The following PRKG1 variants were observed in gnomAD, a reference collection of about 807,000 sequenced individuals.
The protein encoded by PRKG1 is cGMP-dependent protein kinase 1.
In PRKG1, 35 loss-of-function variants were observed where a neutral mutation model predicts 88.1. The observed-to-expected ratio is 0.40, with a 90% CI of 0.30 to 0.53. PRKG1 has a LOEUF of 0.53. PRKG1 is among the 20% of genes least tolerant of loss of function. The pLI, the probability that PRKG1 is intolerant of heterozygous loss-of-function variation, is 0.59. For missense variants in PRKG1, 540 were observed against 839.8 expected (o/e 0.64, Z 4.41); for synonymous variants, 303 against 292.5 (o/e 1.04, Z -0.37).
chr10:51,145,951 A>C (rs946156450), intron 1 of PRKG1, among the ~76,000 whole-genome samples: 1 of 152,022 alleles, frequency 6.6e-6, no homozygotes, highest in Non-Finnish European at 1.5e-5. Context: ...GGTGGATCAC[A>C]AGGTCAGGAG....
At chr10:52,258,441 T>C (rs1257352120) in intron 10 of PRKG1, among the ~76,000 whole-genome samples, 2 of 149,814 alleles carry the variant, frequency 1.3e-5, no homozygotes, top group East Asian at 3.9e-4. Context: ...ACTTTCATGT[T>C]CATTGTATAA....
In PRKG1 at chr10:51,259,482, T is replaced by A. The variant is rs1334315065; in HGVS notation, c.478+106152T>A. Among the ~76,000 whole-genome samples, 4 of 152,302 alleles carry A rather than the reference T, an allele frequency of 2.6e-5. No homozygotes were observed. The South Asian group carries it at 8.3e-4, about 32-fold the overall frequency. On this transcript the variant is annotated intron_variant, in intron 2 of 17. Coordinates refer to ENST00000373980, the MANE Select transcript of PRKG1 (RefSeq NM_006258.4). ...ATCAACCCTTTTGTCTTTTTGTTTT[T>A]GTTTTTTTGAGATGGAGTTTCACTC... is the stretch of plus-strand genomic sequence containing the variant.
intron 5 of PRKG1, among the ~76,000 whole-genome samples, chr10:51,948,832 A>G (rs1843118137): frequency 1.3e-5 from 2 of 152,216 alleles, no homozygotes; most frequent in African/African-American, 4.8e-5. Flanking sequence ...TCAATAAACT[A>G]AACTGTAGGG....
intron 5 of PRKG1, among the ~76,000 whole-genome samples, chr10:51,929,822 TCTAA>T (rs1346727210): frequency 2.1e-4 from 32 of 152,318 alleles, no homozygotes; most frequent in Admixed American, 2.0e-4. Flanking sequence ...TTACCGTTTC[TCTAA>T]CTGACCTAGG....
rs532233013 is a variant in PRKG1 at position 52,066,460 on chromosome 10, A to G, written c.935+3829A>G. ...TATTTTTTAACAAATGAATGAGTGAATGAATGAATAGATGAACAAATGAAC... is the reference window on the plus strand; with the variant it reads ...TATTTTTTAACAAATGAATGAGTGAGTGAATGAATAGATGAACAAATGAAC... On this transcript the variant is annotated intron_variant, in intron 7 of 17. Transcript: ENST00000373980. 2.6e-5 allele frequency among the ~76,000 whole-genome samples: 4 copies of G among 152,318 alleles called. No individual in the cohort carries two copies. The South Asian group carries it at 8.3e-4, about 32-fold the overall frequency.
intron 5 of PRKG1, among the ~76,000 whole-genome samples, chr10:51,967,124 A>G (rs372752211): frequency 6.6e-6 from 1 of 152,200 alleles, no homozygotes; most frequent in Non-Finnish European, 1.5e-5. Context: ...TGTTTATTGC[A>G]GCACTATTCA....
At chr10:51,410,713 G>A (rs1296719868) in intron 2 of PRKG1, among the ~76,000 whole-genome samples, 2 of 151,872 alleles carry the variant, frequency 1.3e-5, no homozygotes, top group Non-Finnish European at 2.9e-5. Context: ...AATTTGCATT[G>A]TACAAACAAG....
At chr10:52,028,498 C>T (rs1163988163) in intron 5 of PRKG1, among the ~76,000 whole-genome samples, 1 of 152,120 alleles carries the variant, frequency 6.6e-6, no homozygotes, top group African/African-American at 2.4e-5. Flanking sequence ...TTATCATCTC[C>T]ACTTCAGTGT....
At chr10:51,569,198 A>G (rs549011769) in intron 3 of PRKG1, among the ~76,000 whole-genome samples, 289 of 152,204 alleles carry the variant, frequency 1.9e-3, no homozygotes, top group Non-Finnish European at 2.8e-3. Context: ...GGTTAAGACT[A>G]GAAGACAGTA....
At chr10:51,345,124 A>T (rs561167455) in intron 2 of PRKG1, among the ~76,000 whole-genome samples, 11 of 152,336 alleles carry the variant, frequency 7.2e-5, no homozygotes, top group African/African-American at 2.2e-4. Context: ...TTTATGTCAG[A>T]AAACTTTAAA....
chr10:51,354,151 T>A (rs1039604152), intron 2 of PRKG1, among the ~76,000 whole-genome samples: 1 of 151,236 alleles, frequency 6.6e-6, no homozygotes, highest in African/African-American at 2.4e-5. Context: ...GTTACAACGC[T>A]GGGAAGGGTC....
chr10:51,658,260 C>T (rs80068640), intron 3 of PRKG1, among the ~76,000 whole-genome samples: 1,769 of 152,170 alleles, frequency 0.012, 11 homozygotes, highest in Non-Finnish European at 0.019. Context: ...TGCACCCACT[C>T]GCCATATCTA....
chr10:51,631,114 A>G (rs1418971977), intron 3 of PRKG1, among the ~76,000 whole-genome samples: 1 of 152,128 alleles, frequency 6.6e-6, no homozygotes, highest in Non-Finnish European at 1.5e-5. Context: ...GTTGTGCTGA[A>G]CCCATAATTT....
In PRKG1 at chr10:50,991,907, G is replaced by A. The variant is rs1842787191; in HGVS notation, c.266+263G>A. The stretch of plus-strand genomic sequence containing the variant: ...CCCTGTGGCGTGGGGGTGGGGAGGA[G>A]GACCGCGGAAAGTTTACTCGCGCGG... On this transcript the variant is annotated intron_variant, in intron 1 of 17. Coordinates refer to the PRKG1 transcript ENST00000401604. The surrounding 1 kb of genome is among the most constrained non-coding windows in gnomAD (Gnocchi z 4.5). Among the ~76,000 whole-genome samples, 1 of 152,186 alleles carries A rather than the reference G, an allele frequency of 6.6e-6. No homozygotes were observed. Among genetic ancestry groups the A allele is most frequent in the African/African-American group, 2.4e-5 (1 of 41,454 alleles).
chr10:51,560,358 G>C (rs1259500746), intron 3 of PRKG1, among the ~76,000 whole-genome samples: 1 of 152,094 alleles, frequency 6.6e-6, no homozygotes, highest in African/African-American at 2.4e-5. Context: ...GAACATGTAA[G>C]AAAAAGTAAA....
In PRKG1 at chr10:51,165,581, A is replaced by G. The variant is rs529288952; in HGVS notation, c.478+12251A>G. 2.5e-3 allele frequency among the ~76,000 whole-genome samples: 374 copies of G among 152,266 alleles called. 1 individual carries two copies. The highest frequency in any genetic ancestry group is 4.1e-3 in the Non-Finnish European group (280 of 67,994). ...AAATGTAAATGGACTAAATGCTCCA[A>G]TTAAAAGACACAGACTGGCAAATTG... On this transcript the variant is annotated intron_variant, in intron 2 of 17. Coordinates refer to ENST00000373980, the MANE Select transcript of PRKG1 (RefSeq NM_006258.4).
intron 3 of PRKG1, among the ~76,000 whole-genome samples, chr10:51,554,820 C>G (rs1241781924): frequency 6.6e-6 from 1 of 151,732 alleles, no homozygotes; most frequent in Non-Finnish European, 1.5e-5. Context: ...GTTCTATATT[C>G]AAACCAAGGC....
In PRKG1 at chr10:51,711,020, C is replaced by T. The variant is rs73343346; in HGVS notation, c.593-93565C>T. On this transcript the variant is annotated intron_variant, in intron 3 of 17. Transcript: ENST00000373980. ...CCAGTGGGGTTTTCTTTTTTAAAGACGTGAAAGACTTACAATTCCCCTTTT... is the reference window on the plus strand; with the variant it reads ...CCAGTGGGGTTTTCTTTTTTAAAGATGTGAAAGACTTACAATTCCCCTTTT... 6.0e-3 allele frequency among the ~76,000 whole-genome samples: 908 copies of T among 151,264 alleles called. 6 individuals are homozygous for T. The highest frequency in any genetic ancestry group is 0.021 in the African/African-American group (872 of 41,268).
At chr10:52,083,258 A>G (rs1476329739) in intron 7 of PRKG1, among the ~76,000 whole-genome samples, 1 of 152,032 alleles carries the variant, frequency 6.6e-6, no homozygotes, top group Admixed American at 6.6e-5. Context: ...GCATAATTTT[A>G]CTGTTAGAAA....
Sources: gnomAD v4.1 joint callset for allele counts (sites outside exome capture counted in the v4.1 genomes callset) on GRCh38, gnomAD v4.1.1 for gene constraint, Gnocchi (gnomAD v3.1) non-coding constraint, MANE v1.5 for transcripts, NCBI Gene and HGNC (gene_info 2026-07-23, HGNC 2026-07-21) for gene names.